The following RGS6 variants were observed in gnomAD, a reference collection of about 807,000 sequenced individuals.
RGS6 encodes regulator of G-protein signaling 6.
In RGS6, 30 loss-of-function variants were observed where a neutral mutation model predicts 78.5. The observed-to-expected ratio is 0.38, with a 90% CI of 0.29 to 0.52. The LOEUF (loss-of-function observed/expected upper bound fraction) is 0.52, where lower values mean the gene tolerates loss of function less well. Among genes scored for constraint, RGS6 ranks in the 20% least tolerant of loss-of-function variants. The pLI, the probability that RGS6 is intolerant of heterozygous loss-of-function variation, is 0.85. For missense variants in RGS6, 495 were observed against 609.7 expected, an observed-to-expected ratio of 0.81 and a Z score of 1.98; for synonymous variants, 206 against 206.0, an observed-to-expected ratio of 1.00 and a Z score of 0.00.
chr14:71,911,670 G>A, the RGS6 span, among the ~76,000 whole-genome samples: 4 of 152,172 alleles, frequency 2.6e-5, no homozygotes, highest in African/African-American at 9.7e-5. Context: ...TTACCATCCA[G>A]ACCAAAGACT....
intron 3 of RGS6, among the ~76,000 whole-genome samples, chr14:72,452,974 C>T (rs976984717): frequency 2.6e-5 from 4 of 152,136 alleles, no homozygotes; most frequent in East Asian, 3.9e-4. Flanking sequence ...CAGGCCACAC[C>T]CTGCAAGGAA....
rs117657321 is a variant in RGS6, at chr14:72,279,335, A to G, written c.85-72760A>G. ...CAGGCCCAGAAATGGAAGAAGCTGGAAGAGAGTCTAGTGGAAGGTGGGGCA... is the reference window on the plus strand; with the variant it reads ...CAGGCCCAGAAATGGAAGAAGCTGGGAGAGAGTCTAGTGGAAGGTGGGGCA... On this transcript the variant is annotated intron_variant, in intron 2 of 17. Coordinates refer to ENST00000553525, the MANE Select transcript of RGS6 (RefSeq NM_001204424.2). Among the ~76,000 whole-genome samples the G allele has an allele frequency of 5.5e-3, 838 of 152,168 alleles. 4 individuals are homozygous for G. The highest frequency in any genetic ancestry group is 0.051 in the Middle Eastern group (15 of 294).
intron 2 of RGS6, among the ~76,000 whole-genome samples, chr14:72,071,212 G>A (rs2153455754): frequency 6.6e-6 from 1 of 152,244 alleles, no homozygotes; most frequent in East Asian, 1.9e-4. Context: ...TCTATATGGA[G>A]TATGGTTCGT....
intron 17 of RGS6, among the ~76,000 whole-genome samples, chr14:72,557,360 A>ATTCT (rs2097594859): frequency 6.6e-6 from 1 of 152,224 alleles, no homozygotes; most frequent in Admixed American, 6.5e-5. Context: ...ATGCCACGGA[A>ATTCT]TTCTTTGCAT....
chr14:72,113,104 G>GCA (rs770707773), intron 2 of RGS6, among the ~76,000 whole-genome samples: 11 of 151,848 alleles, frequency 7.2e-5, no homozygotes, highest in Admixed American at 3.9e-4. Context: ...GCACACACAT[G>GCA]CACACACACA....
At chr14:71,947,701 G>T (rs1292430544) in intron 1 of RGS6, among the ~76,000 whole-genome samples, 2 of 152,136 alleles carry the variant, frequency 1.3e-5, no homozygotes, top group Non-Finnish European at 2.9e-5. Context: ...CTAGACTGGT[G>T]CGAGATTCTT....
intron 2 of RGS6, among the ~76,000 whole-genome samples, chr14:72,001,261 C>T (rs1203867579): frequency 6.6e-6 from 1 of 152,158 alleles, no homozygotes; most frequent in Non-Finnish European, 1.5e-5. Context: ...TTTGAAATCT[C>T]AGAGGTTACA....
chr14:72,317,566 G>A (rs969222371), intron 2 of RGS6, among the ~76,000 whole-genome samples: 3 of 152,128 alleles, frequency 2.0e-5, no homozygotes, highest in African/African-American at 7.2e-5. Flanking sequence ...GGGGCTCGAA[G>A]GTCAATACTT....
chr14:72,489,166 C>CG lies in RGS6; in HGVS notation c.855-5984dup, dbSNP rs2096542361. 2.0e-5 allele frequency among the ~76,000 whole-genome samples: 3 copies of CG among 151,110 alleles called. No individual in the cohort carries two copies. The South Asian group carries it at 6.4e-4, about 32-fold the overall frequency. ...GGGAGGACAAAGGGGGCCCCCCCAC[C>CG]GGCTGTTTGCTCATCTCAGATTTTG... On this transcript the variant is annotated intron_variant, in intron 12 of 17. Transcript: ENST00000553525.
At chr14:72,458,239 A>G in intron 4 of RGS6, 32 bp from the exon 5 acceptor site, 4 of 1,527,586 alleles carry the variant, frequency 2.6e-6, no homozygotes, top group African/African-American at 1.4e-5. Flanking sequence ...CTGCTTTCTA[A>G]TTCCTTCTCT....
chr14:72,600,439 G>A, the RGS6 span, among the ~76,000 whole-genome samples: 8 of 151,878 alleles, frequency 5.3e-5, no homozygotes, highest in African/African-American at 1.7e-4. Context: ...AACTAGCCTG[G>A]GACACAGGAA....
At chr14:72,149,993 A>G (rs2096661282) in intron 2 of RGS6, among the ~76,000 whole-genome samples, 1 of 152,166 alleles carries the variant, frequency 6.6e-6, no homozygotes, top group Non-Finnish European at 1.5e-5. Flanking sequence ...GGGCTACCCA[A>G]AAGGACTGCA....
chr14:72,274,322 C>T (rs1316407157), intron 2 of RGS6, among the ~76,000 whole-genome samples: 2 of 152,162 alleles, frequency 1.3e-5, no homozygotes, highest in African/African-American at 4.8e-5. Context: ...GGTGCATACC[C>T]CTGGGCTCTC....
chr14:72,490,119 C>G (rs1279439833), intron 12 of RGS6, among the ~76,000 whole-genome samples: 1 of 152,094 alleles, frequency 6.6e-6, no homozygotes, highest in East Asian at 1.9e-4. Context: ...TCTTGAATTC[C>G]CATGTGTTGT....
chr14:72,064,791 C>T (rs1356473136), intron 2 of RGS6, among the ~76,000 whole-genome samples: 1 of 152,118 alleles, frequency 6.6e-6, no homozygotes, highest in Non-Finnish European at 1.5e-5. Context: ...TAATAACACA[C>T]AAAGAAATCT....
intron 4 of RGS6, among the ~76,000 whole-genome samples, chr14:72,454,845 C>T (rs1223060610): frequency 6.6e-6 from 1 of 152,192 alleles, no homozygotes; most frequent in East Asian, 1.9e-4. Flanking sequence ...GAGTTGAATT[C>T]TCATTAGCTG....
chr14:72,506,984 TAAAAAAAAAAAAAAAAAA>T (rs71109738), intron 13 of RGS6, among the ~76,000 whole-genome samples: 5 of 54,378 alleles, frequency 9.2e-5, no homozygotes, highest in East Asian at 1.1e-3. Flanking sequence ...CTGTCTCTAC[TAAAAAAAAAAAAAAAAAA>T]AAAAAAAAAA....
At chr14:71,892,686 G>A in the RGS6 span, among the ~76,000 whole-genome samples, 1 of 152,174 alleles carries the variant, frequency 6.6e-6, no homozygotes, top group East Asian at 1.9e-4. Context: ...AATGGTAAAT[G>A]GAGAAGGAAT....
chr14:72,260,961 T>C (rs576522433), intron 2 of RGS6, among the ~76,000 whole-genome samples: 52 of 152,330 alleles, frequency 3.4e-4, no homozygotes, highest in Non-Finnish European at 6.6e-4. Flanking sequence ...CAATTGTTGC[T>C]GGTTCCTTGT....
Sources: allele counts gnomAD v4.1 joint callset (sites outside exome capture counted in the v4.1 genomes callset), GRCh38; gene constraint gnomAD v4.1.1; transcripts MANE v1.5; gene names NCBI Gene and HGNC (gene_info 2026-07-23, HGNC 2026-07-21).